Variants in ACVR1C observed in about 807,000 individuals in gnomAD.
ACVR1C encodes the protein activin receptor type-1C.
In ACVR1C, 23 loss-of-function variants were observed where a neutral mutation model predicts 57.9. The ratio of observed to expected loss-of-function variants is 0.40; its 90% CI spans 0.29 to 0.56. ACVR1C has a LOEUF of 0.56. Among genes scored for constraint, ACVR1C ranks in the 20% least tolerant of loss-of-function variants. The pLI is 0.50. For missense variants in ACVR1C, 480 were observed against 607.9 expected (o/e 0.79, Z 2.21); for synonymous variants, 214 against 215.3 (o/e 0.99, Z 0.05).
At chr2:157,566,407 C>T (rs994544720) in intron 2 of ACVR1C, among the ~76,000 whole-genome samples, 2 of 152,196 alleles carry the variant, frequency 1.3e-5, no homozygotes, top group Admixed American at 6.5e-5. Context: ...CCAGCGTGAG[C>T]GACGCAGAAG....
chr2:157,544,743 G>T, intron 4 of ACVR1C, 131 bp from the exon 5 acceptor site: 2 of 666,810 alleles, frequency 3.0e-6, no homozygotes, highest in Non-Finnish European at 4.8e-6. Context: ...AATGCTTACA[G>T]TCCAAGTTAG....
At chr2:157,625,856 C>A (rs754042283) in intron 1 of ACVR1C, among the ~76,000 whole-genome samples, 13 of 152,140 alleles carry the variant, frequency 8.5e-5, no homozygotes, top group Non-Finnish European at 1.6e-4. Context: ...TCTGCCACTT[C>A]TTTTTTGGGT....
intron 8 of ACVR1C, 146 bp downstream of exon 8, chr2:157,538,427 G>C: frequency 1.4e-6 from 1 of 722,338 alleles, no homozygotes; most frequent in Non-Finnish European, 2.0e-6. Context: ...GCACTAAAGG[G>C]GAAAAAATCC....
At chr2:157,600,366 CAA>C (rs1352489628) in intron 1 of ACVR1C, among the ~76,000 whole-genome samples, 1 of 152,014 alleles carries the variant, frequency 6.6e-6, no homozygotes, top group East Asian at 1.9e-4. Flanking sequence ...AAATTAACGA[CAA>C]AAAACATTAA....
intron 3 of ACVR1C, 146 bp downstream of exon 3, chr2:157,555,947 C>CT: frequency 1.0e-6 from 1 of 956,282 alleles, no homozygotes; most frequent in Non-Finnish European, 1.5e-6. Context: ...TCCTCAGGTA[C>CT]TAAAAGGAGT....
intron 1 of ACVR1C, among the ~76,000 whole-genome samples, chr2:157,610,635 C>T (rs755151495): frequency 6.6e-6 from 1 of 151,982 alleles, no homozygotes; most frequent in African/African-American, 2.4e-5. Context: ...GTTTTTAAAC[C>T]CTTTTGGTGT....
At chr2:157,556,622 T>C (rs1313567435) in intron 2 of ACVR1C, among the ~76,000 whole-genome samples, 10 of 151,894 alleles carry the variant, frequency 6.6e-5, no homozygotes, top group Admixed American at 6.6e-4. Context: ...CACTCTTTTC[T>C]GTCTACTATT....
chr2:157,569,465 G>T (rs1688471474), intron 2 of ACVR1C, among the ~76,000 whole-genome samples: 3 of 61,478 alleles, frequency 4.9e-5, no homozygotes, highest in Non-Finnish European at 9.5e-5. Flanking sequence ...TAGACCGCTA[G>T]CAAGACTAAT....
chr2:157,609,594 G>A (rs1682486194), intron 1 of ACVR1C, among the ~76,000 whole-genome samples: 1 of 151,932 alleles, frequency 6.6e-6, no homozygotes, highest in Non-Finnish European at 1.5e-5. Flanking sequence ...TTATTGTATT[G>A]CAGTCTTGCT....
At chr2:157,577,196 A>G (rs1172205767) in intron 2 of ACVR1C, among the ~76,000 whole-genome samples, 2 of 152,144 alleles carry the variant, frequency 1.3e-5, no homozygotes, top group African/African-American at 2.4e-5. Flanking sequence ...TGCCCATTTT[A>G]TAACTGATTC....
At chr2:157,550,113 G>T (rs757377194) in intron 4 of ACVR1C, 49 bp downstream of exon 4, 2 of 1,545,810 alleles carry the variant, frequency 1.3e-6, no homozygotes, top group East Asian at 2.3e-5. Context: ...ACAGAGTCTC[G>T]CTCTAGACAG....
chr2:157,599,194 C>A (rs1275863505), intron 1 of ACVR1C, among the ~76,000 whole-genome samples: 1 of 151,360 alleles, frequency 6.6e-6, no homozygotes, highest in African/African-American at 2.4e-5. Flanking sequence ...ATTAGCCAGG[C>A]GTGGTGGCGG....
chr2:157,554,351 AAGAG>A (rs1241163394), intron 3 of ACVR1C, among the ~76,000 whole-genome samples: 7 of 137,638 alleles, frequency 5.1e-5, no homozygotes, highest in Admixed American at 3.5e-4. Context: ...GAAAGAAAGA[AAGAG>A]AAAGAAAGAA....
At chr2:157,563,903 G>A (rs897026522) in intron 2 of ACVR1C, among the ~76,000 whole-genome samples, 28 of 152,258 alleles carry the variant, frequency 1.8e-4, no homozygotes, top group Admixed American at 8.5e-4. Context: ...TGGGAGAACT[G>A]GCTAGCCATA....
At chr2:157,618,903 C>T (rs1426818789) in intron 1 of ACVR1C, among the ~76,000 whole-genome samples, 3 of 151,030 alleles carry the variant, frequency 2.0e-5, no homozygotes, top group Non-Finnish European at 1.5e-5. Flanking sequence ...TAGGAAGCAA[C>T]AATTAGAAAA....
chr2:157,553,272 G>A (rs768232116), intron 3 of ACVR1C, among the ~76,000 whole-genome samples: 4 of 152,180 alleles, frequency 2.6e-5, no homozygotes, highest in Non-Finnish European at 5.9e-5. Context: ...AGGCAGGGAG[G>A]CCTTCTGTTA....
intron 2 of ACVR1C, among the ~76,000 whole-genome samples, chr2:157,575,648 T>A (rs1371096428): frequency 6.6e-6 from 1 of 152,202 alleles, no homozygotes; most frequent in Non-Finnish European, 1.5e-5. Context: ...TCAGTTATAT[T>A]ACCACATTTA....
At position 157,552,989 on chromosome 2, in the gene ACVR1C, T is replaced by C. The variant is rs150233395; in HGVS notation, c.545-2597A>G. 8.2e-3 allele frequency among the ~76,000 whole-genome samples: 1,254 copies of C among 152,344 alleles called. 24 individuals are homozygous for C. Among genetic ancestry groups the C allele is most frequent in the African/African-American group, 0.029 (1,199 of 41,588 alleles). On this transcript the variant is annotated intron_variant, in intron 3 of 8. Transcript: ENST00000243349. ...AAAAGCAGCAACCTACCCAGTTTCT[T>C]GGAAGCCATCTGAGACACCATCATT...
chr2:157,544,081 C>G (rs1195998726), intron 5 of ACVR1C, among the ~76,000 whole-genome samples: 3 of 147,528 alleles, frequency 2.0e-5, no homozygotes, highest in African/African-American at 5.0e-5. Context: ...TTCTGTCACC[C>G]AAACTAGAGT....
Sources: gnomAD v4.1 joint callset for allele counts (sites outside exome capture counted in the v4.1 genomes callset) on GRCh38, gnomAD v4.1.1 for gene constraint, MANE v1.5 for transcripts, NCBI Gene and HGNC (gene_info 2026-07-23, HGNC 2026-07-21) for gene names.